TEX48: variants seen among roughly 807,000 people sequenced by gnomAD.
TEX48 encodes the protein testis expressed 48, also known as testis-expressed protein 48.
Under a neutral mutation model 13.2 loss-of-function variants are expected in TEX48, and 10 were observed. The observed-to-expected ratio is 0.75, with a 90% CI of 0.47 to 1.28. The LOEUF is 1.28. Among genes scored for constraint, TEX48 ranks in the 50% most tolerant of loss-of-function variants. The pLI is 0.00. For synonymous variants in TEX48, 45 were observed against 52.3 expected (o/e 0.86, Z 0.60); for missense variants, 116 against 139.4 (o/e 0.83, Z 0.84).
rs1419726341 is a variant in TEX48, at chr9:114,671,455, A to C, written c.55T>G (p.Cys19Gly). The change falls in exon 3 of 5, where the codon TGT becomes GGT. Residue 19 changes from cysteine (C) to glycine (G), a missense_variant. By Grantham distance (159) the Cys-to-Gly change is radical. Coordinates refer to ENST00000436752, the MANE Select transcript of TEX48 (RefSeq NM_001199233.2). ...LKIFCLCCRD[C>G]QEPYAINDSK... ...TCATTGATGGCATAGGGCTCCTGACAGTCCCTGCAGCATAAACAGAAGATC... is the reference window on the plus strand; with the variant it reads ...TCATTGATGGCATAGGGCTCCTGACCGTCCCTGCAGCATAAACAGAAGATC... 7 of 1,535,474 alleles carry C rather than the reference A, an allele frequency of 4.6e-6. No individual in the cohort carries two copies. The highest frequency in any genetic ancestry group is 8.7e-7 in the Non-Finnish European group (1 of 1,146,862).
intron 1 of TEX48, among the ~76,000 whole-genome samples, chr9:114,679,660 T>G (rs1269085234): frequency 6.6e-6 from 1 of 152,182 alleles, no homozygotes; most frequent in African/African-American, 2.4e-5. Flanking sequence ...ACCATTCCAG[T>G]GCATGATTCT....
chr9:114,680,120 C>CTTTTTTTTTTTTTT lies in TEX48; in HGVS notation c.-105+1914_-105+1915insAAAAAAAAAAAAAA, dbSNP rs2079145442. On this transcript the variant is annotated intron_variant, in intron 1 of 4. Coordinates refer to ENST00000436752, the MANE Select transcript of TEX48 (RefSeq NM_001199233.2). Reference sequence around the variant, plus strand: ...GAAAATACTTTTAATTGTCATTGTCCCTTTTTTTTTTTTTTTTTTTTTTTG... The same window carrying CTTTTTTTTTTTTTT: ...GAAAATACTTTTAATTGTCATTGTCCTTTTTTTTTTTTTTCTTTTTTTTTTTTTTTTTTTTTTTG... Among the ~76,000 whole-genome samples, 504 of 51,956 alleles carry CTTTTTTTTTTTTTT rather than the reference C, an allele frequency of 9.7e-3. 19 individuals carry two copies. The highest frequency in any genetic ancestry group is 0.014 in the Non-Finnish European group (366 of 26,484). The allele number at this position is 51,956 out of a possible 152,430, so 34.1% of individuals were successfully genotyped here. A position where few individuals can be genotyped will look rare whatever the true frequency, so the allele number is the denominator to read the frequency against.
intron 4 of TEX48, among the ~76,000 whole-genome samples, chr9:114,667,628 G>A (rs939858360): frequency 7.2e-5 from 11 of 152,124 alleles, no homozygotes; most frequent in African/African-American, 2.4e-4. Context: ...CGCCAGGTGC[G>A]GTGGTTACAC....
intron 1 of TEX48, among the ~76,000 whole-genome samples, chr9:114,676,391 G>A (rs534956456): frequency 2.0e-4 from 30 of 151,910 alleles, no homozygotes; most frequent in African/African-American, 1.7e-4. Context: ...GGCTTATCTC[G>A]AATTCCTTAG....
At chr9:114,681,874 CAG>C (rs138378785) in intron 1 of TEX48, among the ~76,000 whole-genome samples, 159 bp downstream of exon 1, 5 of 151,596 alleles carry the variant, frequency 3.3e-5, no homozygotes, top group Middle Eastern at 3.4e-3. Context: ...GACTGGGACC[CAG>C]AGAGAGAGAG....
At chr9:114,678,340 T>A (rs181000566) in intron 1 of TEX48, among the ~76,000 whole-genome samples, 7 of 152,248 alleles carry the variant, frequency 4.6e-5, no homozygotes, top group Admixed American at 4.6e-4. Flanking sequence ...AGAAGAACAA[T>A]CACATTGCAC....
chr9:114,676,370 C>T (rs76329906), intron 1 of TEX48, among the ~76,000 whole-genome samples: 3,306 of 151,948 alleles, frequency 0.022, 57 homozygotes, highest in Admixed American at 0.037. Context: ...GGGATTTTGC[C>T]GTATTGCCCA....
At chr9:114,681,158 C>G (rs986111692) in intron 1 of TEX48, among the ~76,000 whole-genome samples, 2 of 152,166 alleles carry the variant, frequency 1.3e-5, no homozygotes, top group African/African-American at 4.8e-5. Flanking sequence ...ACGTTTTGCA[C>G]CTTGATTTTT....
intron 1 of TEX48, 134 bp from the exon 2 acceptor site, chr9:114,671,961 C>G: frequency 3.5e-6 from 2 of 575,874 alleles, no homozygotes; most frequent in East Asian, 5.9e-5. Context: ...TCAGATAGCT[C>G]TGTGTCCTAC....
intron 1 of TEX48, among the ~76,000 whole-genome samples, chr9:114,680,563 A>C (rs1478802776): frequency 6.6e-6 from 1 of 152,242 alleles, no homozygotes; most frequent in Admixed American, 6.5e-5. Flanking sequence ...ACTGATACTC[A>C]AAATGAAAAC....
At chr9:114,668,691 A>G (rs1307699891) in intron 3 of TEX48, among the ~76,000 whole-genome samples, 2 of 152,208 alleles carry the variant, frequency 1.3e-5, no homozygotes, top group Non-Finnish European at 1.5e-5. Context: ...CGCTTTATAG[A>G]AAAGTTAGGA....
chr9:114,674,298 C>T (rs74591861), intron 1 of TEX48, among the ~76,000 whole-genome samples: 10 of 152,092 alleles, frequency 6.6e-5, no homozygotes, highest in African/African-American at 1.9e-4. Context: ...ATTTGCCCCC[C>T]CTGCTGAGTT....
chr9:114,675,757 C>G (rs1589379170), intron 1 of TEX48, among the ~76,000 whole-genome samples: 1 of 152,354 alleles, frequency 6.6e-6, no homozygotes, highest in Middle Eastern at 3.4e-3. Context: ...GTGATCACCA[C>G]TGTTATTCTC....
chr9:114,671,629 C>T, intron 2 of TEX48, 91 bp downstream of exon 2: 1 of 1,528,334 alleles, frequency 6.5e-7, no homozygotes, highest in Non-Finnish European at 8.8e-7. Flanking sequence ...TATAATACTC[C>T]TCCCCTCTCC....
rs111968354 is a variant in TEX48 at position 114,671,125 on chromosome 9, G to A, written c.127+258C>T. The stretch of plus-strand genomic sequence containing the variant: ...AGTTCTGATTCAGTAGTTCCAGAGC[G>A]GGGTCTGAAAATGCATTTCTAACAA... On this transcript the variant is annotated intron_variant, in intron 3 of 4. Transcript: ENST00000436752. 2.2e-3 allele frequency among the ~76,000 whole-genome samples: 340 copies of A among 152,290 alleles called. 7 individuals carry two copies. In the East Asian group the frequency reaches 0.043, roughly 19 times the overall value.
intron 3 of TEX48, among the ~76,000 whole-genome samples, chr9:114,671,058 T>C (rs1410399515): frequency 6.6e-6 from 1 of 152,174 alleles, no homozygotes; most frequent in Admixed American, 6.5e-5. Context: ...TCTCAAACTA[T>C]CATGTACATT....
chr9:114,678,463 G>A (rs544063502), intron 1 of TEX48, among the ~76,000 whole-genome samples: 1 of 152,284 alleles, frequency 6.6e-6, no homozygotes, highest in South Asian at 2.1e-4. Flanking sequence ...CAGAACAAAA[G>A]AAAGTTTGTT....
intron 3 of TEX48, among the ~76,000 whole-genome samples, chr9:114,670,166 A>C (rs1827918667): frequency 6.6e-6 from 1 of 152,244 alleles, no homozygotes; most frequent in Admixed American, 6.5e-5. Flanking sequence ...TAAATATGAA[A>C]TATACACTCT....
At chr9:114,669,363 C>T (rs1294611863) in intron 3 of TEX48, among the ~76,000 whole-genome samples, 3 of 151,156 alleles carry the variant, frequency 2.0e-5, no homozygotes, top group South Asian at 4.2e-4. Flanking sequence ...ACTGCAGCCT[C>T]GACCTCCTGG....
Sources: allele counts gnomAD v4.1 joint callset (sites outside exome capture counted in the v4.1 genomes callset), GRCh38; gene constraint gnomAD v4.1.1; transcripts MANE v1.5; gene names NCBI Gene and HGNC (gene_info 2026-07-23, HGNC 2026-07-21).